The following RAI14 variants were observed in gnomAD, a reference collection of about 807,000 sequenced individuals.
The protein encoded by RAI14 is ankycorbin.
RAI14 carries 45 observed loss-of-function variants against 115.4 expected under a neutral mutation model. That is an observed-to-expected ratio of 0.39 (90% CI 0.31 to 0.50). The LOEUF is 0.50. RAI14 is among the 20% of genes least tolerant of loss of function. The pLI is 0.85. For synonymous variants in RAI14, 371 were observed against 415.4 expected (o/e 0.89, Z 1.30); for missense variants, 939 against 1,131.2 (o/e 0.83, Z 2.44).
chr5:34,668,381 G>A (rs977558432), intron 1 of RAI14, among the ~76,000 whole-genome samples: 24 of 146,736 alleles, frequency 1.6e-4, no homozygotes, highest in African/African-American at 5.6e-4. Flanking sequence ...GCAACAGAGC[G>A]AGACTCTGTC....
intron 2 of RAI14, among the ~76,000 whole-genome samples, chr5:34,698,901 T>A (rs1364567557): frequency 2.0e-5 from 3 of 151,946 alleles, no homozygotes; most frequent in Non-Finnish European, 4.4e-5. Flanking sequence ...AACGACGGGA[T>A]TTGAGTGTGC....
chr5:34,679,967 A>G lies in RAI14; in HGVS notation c.-48-6905A>G, dbSNP rs1194885046. On this transcript the variant is annotated intron_variant, in intron 1 of 17. Transcript: ENST00000265109. ...AAAGTCTATCCAAGCACTTTATCCT[A>G]TATCTTTGTTCTGCGTGTTCACCTG... 4.6e-5 allele frequency among the ~76,000 whole-genome samples: 7 copies of G among 152,304 alleles called. No individual in the cohort carries two copies. In the East Asian group the frequency reaches 1.4e-3, roughly 29 times the overall value.
chr5:34,709,129 C>CAAA (rs35361351), intron 2 of RAI14, among the ~76,000 whole-genome samples: 132 of 95,916 alleles, frequency 1.4e-3, no homozygotes, highest in Admixed American at 2.1e-3. Flanking sequence ...GACCCTATCT[C>CAAA]AAAAAAAAAA....
At chr5:34,747,058 T>C (rs1316633213) in intron 2 of RAI14, among the ~76,000 whole-genome samples, 5 of 152,202 alleles carry the variant, frequency 3.3e-5, no homozygotes, top group African/African-American at 1.2e-4. Flanking sequence ...GAACTGTAAA[T>C]CCAATTGAAC....
intron 4 of RAI14, among the ~76,000 whole-genome samples, chr5:34,799,906 C>T (rs2150222856): frequency 6.6e-6 from 1 of 152,272 alleles, no homozygotes; most frequent in South Asian, 2.1e-4. Context: ...CCAGGCTGGT[C>T]TTGATCTCCT....
chr5:34,709,601 A>G (rs1741147034), intron 2 of RAI14, among the ~76,000 whole-genome samples: 1 of 152,226 alleles, frequency 6.6e-6, no homozygotes, highest in Non-Finnish European at 1.5e-5. Context: ...ATCTTCATTC[A>G]TATAATCTCA....
intron 1 of RAI14, among the ~76,000 whole-genome samples, chr5:34,671,867 C>A (rs991330322): frequency 2.6e-5 from 4 of 151,798 alleles, no homozygotes; most frequent in African/African-American, 9.7e-5. Context: ...CAGTACTGGT[C>A]TAAATAATAT....
At chr5:34,732,509 G>A (rs1204461315) in intron 2 of RAI14, among the ~76,000 whole-genome samples, 1 of 148,848 alleles carries the variant, frequency 6.7e-6, no homozygotes, top group Non-Finnish European at 1.5e-5. Flanking sequence ...CGTGATCTTG[G>A]CTCACTGCAC....
At chr5:34,670,529 T>C (rs993575118) in intron 1 of RAI14, among the ~76,000 whole-genome samples, 1 of 152,228 alleles carries the variant, frequency 6.6e-6, no homozygotes, top group African/African-American at 2.4e-5. Flanking sequence ...GTTATTATCA[T>C]TGCTAATGTC....
At chr5:34,757,002 G>A (rs1367623307) in intron 2 of RAI14, among the ~76,000 whole-genome samples, 1 of 152,176 alleles carries the variant, frequency 6.6e-6, no homozygotes, top group Non-Finnish European at 1.5e-5. Context: ...AGAAAGAGAG[G>A]CAATAAAAGC....
intron 3 of RAI14, among the ~76,000 whole-genome samples, chr5:34,772,656 C>A (rs939863969): frequency 2.6e-5 from 4 of 152,110 alleles, no homozygotes; most frequent in Non-Finnish European, 5.9e-5. Flanking sequence ...GGCAGCTGAC[C>A]AGCCTTGTCA....
intron 2 of RAI14, among the ~76,000 whole-genome samples, chr5:34,750,651 A>G (rs1473037024): frequency 4.6e-5 from 7 of 152,102 alleles, no homozygotes; most frequent in African/African-American, 1.2e-4. Flanking sequence ...TAAATCACAT[A>G]TGGAGAAAAG....
intron 3 of RAI14, among the ~76,000 whole-genome samples, chr5:34,788,596 A>G (rs1286564088): frequency 6.6e-6 from 1 of 152,208 alleles, no homozygotes; most frequent in Admixed American, 6.5e-5. Context: ...CAGTACTTGT[A>G]AAAAATATAT....
chr5:34,708,604 CA>C (rs571206178), intron 2 of RAI14, among the ~76,000 whole-genome samples: 16 of 151,424 alleles, frequency 1.1e-4, no homozygotes, highest in East Asian at 1.9e-4. Flanking sequence ...GTGAAAACAA[CA>C]AAAAAAAATT....
At chr5:34,749,673 T>C (rs946644968) in intron 2 of RAI14, among the ~76,000 whole-genome samples, 3 of 152,242 alleles carry the variant, frequency 2.0e-5, no homozygotes, top group Non-Finnish European at 4.4e-5. Context: ...GGCCAGCCAA[T>C]ATCATTTGTG....
At chr5:34,682,737 T>C (rs1159035161) in intron 1 of RAI14, among the ~76,000 whole-genome samples, 1 of 152,258 alleles carries the variant, frequency 6.6e-6, no homozygotes, top group African/African-American at 2.4e-5. Flanking sequence ...AGGTGTGCTT[T>C]ATTCTGTTTG....
rs2150309784 is a variant in RAI14 at position 34,826,445 on chromosome 5, A to G, written c.2765A>G (p.Gln922Arg). Reference protein sequence around the residue: ...KRQSQQLEALQQQVKQLQNQL... With the variant: ...KRQSQQLEALRQQVKQLQNQL... ...CAGAGTCAGCAGCTGGAGGCGCTGC[A>G]GCAGCAAGTCAAACAGCTCCAGAAC... Residue 922 changes from glutamine (Q) to arginine (R), a missense_variant, in exon 16 of 18, where the codon CAG becomes CGG. Physicochemically the swap from Gln to Arg is conservative, Grantham distance 43 (BLOSUM62 1). Transcript: ENST00000265109. 6.2e-7 allele frequency: 1 copy of G among 1,614,012 alleles called. No individual in the cohort carries two copies. Among genetic ancestry groups the G allele is most frequent in the East Asian group, 2.2e-5 (1 of 44,872 alleles).
chr5:34,797,360 A>T (rs1214117234), intron 4 of RAI14, among the ~76,000 whole-genome samples: 2 of 152,078 alleles, frequency 1.3e-5, no homozygotes, highest in Non-Finnish European at 2.9e-5. Flanking sequence ...GGTTGGGAAC[A>T]GGTTTAGAAT....
rs115617028 is a variant in RAI14 at position 34,679,992 on chromosome 5, G to A, written c.-48-6880G>A. Among the ~76,000 whole-genome samples the A allele has an allele frequency of 9.1e-3, 1,392 of 152,302 alleles. 26 individuals are homozygous for A. Among genetic ancestry groups the A allele is most frequent in the African/African-American group, 0.032 (1,325 of 41,546 alleles). On this transcript the variant is annotated intron_variant, in intron 1 of 17. Transcript: ENST00000265109. Reference sequence around the variant, plus strand: ...ATATCTTTGTTCTGCGTGTTCACCTGTAAAACATTTATTGATTATATGCCA... The same window carrying A: ...ATATCTTTGTTCTGCGTGTTCACCTATAAAACATTTATTGATTATATGCCA...
Sources: allele counts gnomAD v4.1 joint callset (sites outside exome capture counted in the v4.1 genomes callset), GRCh38; gene constraint gnomAD v4.1.1; transcripts MANE v1.5; gene names NCBI Gene and HGNC (gene_info 2026-07-23, HGNC 2026-07-21).